Variants in ERCC4 observed in about 807,000 individuals in gnomAD.
ERCC4 encodes DNA repair endonuclease XPF.
A neutral mutation model predicts 76.9 loss-of-function variants in ERCC4; 65 were observed. The ratio of observed to expected loss-of-function variants is 0.84; its 90% CI spans 0.69 to 1.04. The LOEUF is 1.04. Ranked by LOEUF, ERCC4 falls within the 50% of genes least tolerant of loss-of-function variation. The pLI is 0.00. For synonymous variants in ERCC4, 463 were observed against 410.1 expected, an observed-to-expected ratio of 1.13 and a Z score of -1.56; for missense variants, 1,214 against 1,128.2, an observed-to-expected ratio of 1.08 and a Z score of -1.09.
At chr16:13,934,988 G>A in intron 7 of ERCC4, 158 bp from the exon 8 acceptor site, 1 of 648,752 alleles carries the variant, frequency 1.5e-6, no homozygotes, top group Non-Finnish European at 2.8e-6. Context: ...GAAAGCATTT[G>A]ATCAATACCT....
At position 13,930,844 on chromosome 16, in the gene ERCC4, T is replaced by C; in HGVS notation, c.927T>C (p.Leu309=). 7 of 1,613,732 alleles carry C rather than the reference T, an allele frequency of 4.3e-6. No individual in the cohort carries two copies. The highest frequency in any genetic ancestry group is 5.1e-6 in the Non-Finnish European group (6 of 1,179,644). ...SQYDCVTFLN[L]LESLRATEKA... ...ATGATTGTGTCACATTTCTTAATCT[T>C]CTGGAATCTCTGAGAGCAACGGAAA... The change falls in exon 5 of 11, where the codon CTT becomes CTC. Residue 309 remains leucine, a synonymous_variant. Transcript: ENST00000311895.
In ERCC4 at chr16:13,934,175, T is replaced by C; in HGVS notation, c.1103-17T>C. On this transcript the variant is annotated splice_polypyrimidine_tract_variant and intron_variant, in intron 6 of 10. Transcript: ENST00000311895. ...AAATATTATCACATAGAATGAGATA[T>C]TTTTATTTCTCTACAGAAACAAAAA... 4 of 1,529,182 alleles carry C rather than the reference T, an allele frequency of 2.6e-6. No individual in the cohort carries two copies. The highest frequency in any genetic ancestry group is 3.6e-6 in the Non-Finnish European group (4 of 1,105,270). 94.7% of individuals were successfully genotyped at this position (1,529,182 alleles called of 1,614,324 possible).
rs2032554113 is a variant in ERCC4, at chr16:13,947,997, C to CTCT, written c.2402_2404dup (p.Leu801_Trp802insPhe). The CTCT allele has an allele frequency of 6.2e-7, 1 of 1,614,062 alleles. No individual in the cohort carries two copies. Among genetic ancestry groups the CTCT allele is most frequent in the African/African-American group, 1.3e-5 (1 of 74,926 alleles). On this transcript the variant is annotated inframe_insertion, in exon 11 of 11. Transcript: ENST00000311895. ...ACTTCACTTCCCCAGACTACGGATT[C>CTCT]TCTGGTGCCCCTCTCCTCATGCAAC...
In ERCC4 at chr16:13,947,658, A is replaced by T. The variant is rs755577606; in HGVS notation, c.2062A>T (p.Met688Leu). 4.3e-6 allele frequency: 7 copies of T among 1,614,222 alleles called. No individual in the cohort carries two copies. In the East Asian group the frequency reaches 1.3e-4, roughly 31 times the overall value. Residue 688 changes from methionine to leucine, a missense_variant, in exon 11 of 11, where the codon ATG (methionine) becomes TTG (leucine). Physicochemically the swap from Met to Leu is conservative, Grantham distance 15. Coordinates refer to ENST00000311895, the MANE Select transcript of ERCC4 (RefSeq NM_005236.3). Reference protein sequence around the residue: ...NGTQQSIVVDMREFRSELPSL... With the variant: ...NGTQQSIVVDLREFRSELPSL... ...TACACAGCAAAGCATAGTTGTGGAT[A>T]TGCGTGAATTTCGAAGTGAGCTTCC... is the stretch of plus-strand genomic sequence containing the variant.
chr16:13,926,466 T>C, intron 2 of ERCC4, 95 bp from the exon 3 acceptor site: 1 of 1,043,820 alleles, frequency 9.6e-7, no homozygotes, highest in East Asian at 2.4e-5. Flanking sequence ...AGAATGGTGC[T>C]TATTCATTCT....
In ERCC4 at chr16:13,934,184, C is replaced by T; in HGVS notation, c.1103-8C>T. On this transcript the variant is annotated splice_polypyrimidine_tract_variant and splice_region_variant and intron_variant, in intron 6 of 10. Coordinates refer to ENST00000311895, the MANE Select transcript of ERCC4 (RefSeq NM_005236.3). ...CACATAGAATGAGATATTTTTATTT[C>T]TCTACAGAAACAAAAAAGGAACTGG... 1 of 1,568,690 alleles carries T rather than the reference C, an allele frequency of 6.4e-7. No individual in the cohort carries two copies. Among genetic ancestry groups the T allele is most frequent in the Non-Finnish European group, 8.8e-7 (1 of 1,140,438 alleles).
In ERCC4 at chr16:13,926,571, G is replaced by A. The variant is rs774717152; in HGVS notation, c.399G>A (p.Val133=). 6.2e-7 allele frequency: 1 copy of A among 1,613,940 alleles called. No individual in the cohort carries two copies. Among genetic ancestry groups the A allele is most frequent in the Non-Finnish European group, 8.5e-7 (1 of 1,179,856 alleles). ...IPSDLITGIL[V]YRAHRIIESC... ...GTTTCTCCCCCTCAGGCATCTTGGT[G>A]TATAGAGCCCACAGAATAATCGAGT... The change falls in exon 3 of 11, where the codon GTG becomes GTA. Residue 133 remains valine, a synonymous_variant. Coordinates refer to ENST00000311895, the MANE Select transcript of ERCC4 (RefSeq NM_005236.3).
chr16:13,921,329 T>G (rs1052714510), intron 1 of ERCC4, among the ~76,000 whole-genome samples: 3 of 152,024 alleles, frequency 2.0e-5, no homozygotes, highest in Non-Finnish European at 2.9e-5. Context: ...AAAGATGGAA[T>G]GGGGCTACAC....
chr16:13,947,587 G>A (rs909557546), intron 10 of ERCC4, 27 bp from the exon 11 acceptor site: 36 of 1,613,398 alleles, frequency 2.2e-5, no homozygotes, highest in Non-Finnish European at 3.1e-5. Context: ...TTCTTCCCCA[G>A]TGACATTACT....
In ERCC4 at chr16:13,950,976, AG is replaced by A. The variant is rs1442369229; in HGVS notation, c.*2631del. ...TTGTATCTGCTGGACGCTTGAAGAC[AG>A]GTGCACTGTCTCGTATGTATTTGAA... On this transcript the variant is annotated 3_prime_UTR_variant, in exon 11 of 11. Transcript: ENST00000311895. 5.2e-6 allele frequency: 1 copy of A among 193,420 alleles called. No homozygotes were observed. Among genetic ancestry groups the A allele is most frequent in the East Asian group, 8.1e-5 (1 of 12,282 alleles). The allele number at this position is 193,420 out of a possible 1,614,324, so 12.0% of individuals were successfully genotyped here. A position where few individuals can be genotyped will look rare whatever the true frequency, so the allele number is the denominator to read the frequency against.
chr16:13,949,437 G>A lies in ERCC4; in HGVS notation c.*1090G>A, dbSNP rs537224795. The A allele has an allele frequency of 8.0e-4, 186 of 233,034 alleles. No individual in the cohort carries two copies. The highest frequency in any genetic ancestry group is 3.9e-3 in the African/African-American group (178 of 45,408). The allele number at this position is 233,034 out of a possible 1,614,324, so 14.4% of individuals were successfully genotyped here. ...AGAAAAGAAAAGAAATACAACCTAAGCTCACCTGCCTGTGATTCCTCATTT... is the reference window on the plus strand; with the variant it reads ...AGAAAAGAAAAGAAATACAACCTAAACTCACCTGCCTGTGATTCCTCATTT... On this transcript the variant is annotated 3_prime_UTR_variant, in exon 11 of 11. Coordinates refer to ENST00000311895, the MANE Select transcript of ERCC4 (RefSeq NM_005236.3).
intron 6 of ERCC4, 127 bp from the exon 7 acceptor site, chr16:13,934,062 CATT>C: frequency 1.6e-6 from 1 of 617,474 alleles, no homozygotes; most frequent in Non-Finnish European, 2.8e-6. Flanking sequence ...TTCCATCTAA[CATT>C]ATAAAGAAAG....
chr16:13,943,768 G>A (rs1225436962), intron 9 of ERCC4, among the ~76,000 whole-genome samples: 2 of 147,140 alleles, frequency 1.4e-5, no homozygotes, highest in East Asian at 2.0e-4. Flanking sequence ...TTGTTCCCTC[G>A]ACATCAGTTG....
chr16:13,922,178 T>G lies in ERCC4; in HGVS notation c.355T>G (p.Leu119Val). 6.2e-7 allele frequency: 1 copy of G among 1,612,508 alleles called. No individual in the cohort carries two copies. Among genetic ancestry groups the G allele is most frequent in the Non-Finnish European group, 8.5e-7 (1 of 1,178,524 alleles). Residue 119 changes from leucine to valine, a missense_variant, in exon 2 of 11, where the codon TTG (leucine) becomes GTG (valine). Physicochemically the swap from Leu to Val is conservative, Grantham distance 32. Coordinates refer to ENST00000311895, the MANE Select transcript of ERCC4 (RefSeq NM_005236.3). ...ATSRILVVDF[L>V]TDRIPSDLIT... Reference sequence around the variant, plus strand: ...AAGTAGGATACTTGTGGTTGACTTCTTGACTGATAGAATACCTTCAGATTT... The same window carrying G: ...AAGTAGGATACTTGTGGTTGACTTCGTGACTGATAGAATACCTTCAGATTT...
At chr16:13,930,212 C>T (rs1213667582) in intron 4 of ERCC4, among the ~76,000 whole-genome samples, 3 of 152,006 alleles carry the variant, frequency 2.0e-5, no homozygotes, top group Non-Finnish European at 2.9e-5. Context: ...TAGCAATGTA[C>T]CTTAATTTGT....
chr16:13,939,674 A>G (rs545170945), intron 9 of ERCC4, among the ~76,000 whole-genome samples: 2 of 152,140 alleles, frequency 1.3e-5, no homozygotes, highest in Non-Finnish European at 2.9e-5. Flanking sequence ...GGACTTAGGT[A>G]TGTTTGTAAA....
intron 9 of ERCC4, among the ~76,000 whole-genome samples, chr16:13,938,618 G>C (rs746553957): frequency 6.6e-6 from 1 of 152,218 alleles, no homozygotes; most frequent in African/African-American, 2.4e-5. Context: ...GCATCACAGA[G>C]CTGAGCCAGA....
At chr16:13,929,121 A>T (rs986601153) in intron 4 of ERCC4, among the ~76,000 whole-genome samples, 1 of 152,186 alleles carries the variant, frequency 6.6e-6, no homozygotes, top group African/African-American at 2.4e-5. Flanking sequence ...CTTTTAATAG[A>T]ATGTGTATAT....
intron 6 of ERCC4, chr16:13,932,832 G>A: frequency 5.3e-6 from 1 of 190,432 alleles, no homozygotes; most frequent in Non-Finnish European, 1.1e-5. Context: ...ATCACCTGAG[G>A]TCAGGAGTTT....
Sources: gnomAD v4.1 joint callset for allele counts (sites outside exome capture counted in the v4.1 genomes callset) on GRCh38, gnomAD v4.1.1 for gene constraint, MANE v1.5 for transcripts, NCBI Gene and HGNC (gene_info 2026-07-23, HGNC 2026-07-21) for gene names.